ALPK2: variants seen among roughly 807,000 people sequenced by gnomAD.
The protein encoded by ALPK2 is alpha-protein kinase 2.
ALPK2 carries 127 observed loss-of-function variants against 163.1 expected under a neutral mutation model. The ratio of observed to expected loss-of-function variants is 0.78; its 90% CI spans 0.67 to 0.90. The LOEUF (loss-of-function observed/expected upper bound fraction) is 0.90, where lower values mean the gene tolerates loss of function less well. Among genes scored for constraint, ALPK2 ranks in the 40% least tolerant of loss-of-function variants. The probability of loss-of-function intolerance (pLI) is 0.00; values close to 1 mark genes in which losing one functional copy is unlikely to be tolerated. For synonymous variants in ALPK2, 953 were observed against 959.1 expected, an observed-to-expected ratio of 0.99 and a Z score of 0.12; for missense variants, 2,360 against 2,589.6, an observed-to-expected ratio of 0.91 and a Z score of 1.92.
At chr18:58,614,477 G>A (rs1175113166) in intron 1 of ALPK2, among the ~76,000 whole-genome samples, 4 of 152,184 alleles carry the variant, frequency 2.6e-5, no homozygotes, top group African/African-American at 9.7e-5. Flanking sequence ...TCCCCTCTCA[G>A]CATAATGGCA....
intron 12 of ALPK2, among the ~76,000 whole-genome samples, chr18:58,489,636 A>G (rs10871757): frequency 0.16 from 23,901 of 151,910 alleles, 2,018 homozygotes; most frequent in East Asian, 0.38. Context: ...GCAGTGAGCC[A>G]TGATCAGGAC....
At chr18:58,534,340 G>GA (rs1057294803) in intron 5 of ALPK2, among the ~76,000 whole-genome samples, 1 of 152,066 alleles carries the variant, frequency 6.6e-6, no homozygotes, top group African/African-American at 2.4e-5. Context: ...TATTTTTAAT[G>GA]AAAAATCAGT....
chr18:58,622,598 T>C (rs2052207706), intron 1 of ALPK2, among the ~76,000 whole-genome samples: 1 of 152,198 alleles, frequency 6.6e-6, no homozygotes, highest in Non-Finnish European at 1.5e-5. Context: ...GCTATAAACA[T>C]ACAAAGTGTG....
intron 3 of ALPK2, among the ~76,000 whole-genome samples, chr18:58,589,922 G>C (rs577706269): frequency 6.6e-6 from 1 of 152,286 alleles, no homozygotes; most frequent in African/African-American, 2.4e-5. Context: ...CTAGAGGTAA[G>C]ATTTGGAATT....
At chr18:58,583,578 CTGAAGTGGGAGAATCAGT>C (rs2051970620) in intron 3 of ALPK2, among the ~76,000 whole-genome samples, 1 of 151,946 alleles carries the variant, frequency 6.6e-6, no homozygotes, top group Admixed American at 6.6e-5. Context: ...CTTCAGGAGG[CTGAAGTGGGAGAATCAGT>C]TGAGCCTATG....
intron 9 of ALPK2, 139 bp downstream of exon 9, chr18:58,516,769 T>C (rs761856830): frequency 1.9e-5 from 20 of 1,052,422 alleles, no homozygotes; most frequent in Non-Finnish European, 2.8e-5. Flanking sequence ...TCCCCAGCAT[T>C]GAGATTGAAT....
At chr18:58,566,755 C>T (rs775753151) in intron 4 of ALPK2, 15 of 152,310 alleles carry the variant, frequency 9.8e-5, no homozygotes, top group Admixed American at 2.6e-4. Flanking sequence ...GAACAAGCTG[C>T]GTTTATAGCA....
rs1555677779 is a variant in ALPK2, at chr18:58,611,834, T to A, written c.-20-17A>T. 3 of 1,202,694 alleles carry A rather than the reference T, an allele frequency of 2.5e-6. No individual in the cohort carries two copies. Among genetic ancestry groups the A allele is most frequent in the South Asian group, 2.8e-5 (2 of 72,448 alleles). The allele number at this position is 1,202,694 out of a possible 1,614,324, so 74.5% of individuals were successfully genotyped here. A position where few individuals can be genotyped will look rare whatever the true frequency, so the allele number is the denominator to read the frequency against. On this transcript the variant is annotated splice_polypyrimidine_tract_variant and intron_variant, in intron 1 of 12. Coordinates refer to ENST00000361673, the MANE Select transcript of ALPK2 (RefSeq NM_052947.4). Reference sequence around the variant, plus strand: ...GCACCAAATCTGAAAAAAAAAAAAATCCCCGACATCACCATTTGTTCTGGG... The same window carrying A: ...GCACCAAATCTGAAAAAAAAAAAAAACCCCGACATCACCATTTGTTCTGGG...
Position 58,536,702 on chromosome 18 carries a change from G to A in ALPK2, c.3485C>T (p.Ala1162Val). 6.2e-7 allele frequency: 1 copy of A among 1,614,196 alleles called. No homozygotes were observed. Among genetic ancestry groups the A allele is most frequent in the Non-Finnish European group, 8.5e-7 (1 of 1,180,026 alleles). ...DFQQSLPTTS[A>V]AQEERNLVPT... Reference sequence around the variant, plus strand: ...CACCAAGTTTCTTTCCTCTTGTGCAGCAGATGTCGTAGGCAAACTTTGTTG... The same window carrying A: ...CACCAAGTTTCTTTCCTCTTGTGCAACAGATGTCGTAGGCAAACTTTGTTG... The change falls in exon 5 of 13, where the codon GCT (alanine) becomes GTT (valine). Residue 1162 changes from alanine to valine, a missense_variant. Transcript: ENST00000361673.
intron 4 of ALPK2, among the ~76,000 whole-genome samples, chr18:58,573,620 T>TTTTTTTTTTTTTTTTTTTTTTC: frequency 7.2e-6 from 1 of 139,506 alleles, no homozygotes; most frequent in East Asian, 2.1e-4. Context: ...CTTCTTTTTT[T>TTTTTTTTTTTTTTTTTTTTTTC]TTTTTTTTTT....
chr18:58,586,609 C>A (rs1304327594), intron 3 of ALPK2, among the ~76,000 whole-genome samples: 1 of 152,160 alleles, frequency 6.6e-6, no homozygotes, highest in East Asian at 1.9e-4. Flanking sequence ...CCAGTTGGGG[C>A]TCCTTCAAAG....
At chr18:58,504,294 C>G (rs1417192476) in intron 10 of ALPK2, 146 bp from the exon 11 acceptor site, 1 of 648,506 alleles carries the variant, frequency 1.5e-6, no homozygotes, top group African/African-American at 1.8e-5. Context: ...CATCCAATGA[C>G]TTTTTAGTGG....
chr18:58,593,029 G>A (rs1364289264), intron 3 of ALPK2, among the ~76,000 whole-genome samples: 1 of 152,216 alleles, frequency 6.6e-6, no homozygotes, highest in Non-Finnish European at 1.5e-5. Flanking sequence ...TTAGGGCGGG[G>A]AGACTACTGC....
intron 10 of ALPK2, among the ~76,000 whole-genome samples, chr18:58,506,176 G>GGCCATAAAGAT (rs2051460975): frequency 6.6e-6 from 1 of 151,986 alleles, no homozygotes. Flanking sequence ...GGGCACACAT[G>GGCCATAAAGAT]GCCATAAAGA....
intron 3 of ALPK2, among the ~76,000 whole-genome samples, chr18:58,587,826 G>GA (rs763031186): frequency 6.6e-6 from 1 of 152,076 alleles, no homozygotes; most frequent in South Asian, 2.1e-4. Flanking sequence ...AGGAATATTG[G>GA]AAAAAACTGG....
At chr18:58,495,298 T>C (rs2144104243) in intron 12 of ALPK2, among the ~76,000 whole-genome samples, 1 of 152,276 alleles carries the variant, frequency 6.6e-6, no homozygotes, top group East Asian at 1.9e-4. Flanking sequence ...GACAAGAAGA[T>C]CTAATATCCC....
At chr18:58,492,073 C>G (rs1439924465) in intron 12 of ALPK2, among the ~76,000 whole-genome samples, 2 of 152,214 alleles carry the variant, frequency 1.3e-5, no homozygotes, top group Admixed American at 1.3e-4. Flanking sequence ...TGGAACATCA[C>G]TCCGCCGTTA....
intron 12 of ALPK2, among the ~76,000 whole-genome samples, chr18:58,485,339 A>C (rs1286854737): frequency 1.3e-5 from 2 of 152,132 alleles, no homozygotes; most frequent in African/African-American, 4.8e-5. Context: ...GAATGGAGAG[A>C]GTTTTTTCCC....
intron 11 of ALPK2, among the ~76,000 whole-genome samples, chr18:58,499,609 G>A (rs1212703840): frequency 6.6e-6 from 1 of 152,208 alleles, no homozygotes; most frequent in Non-Finnish European, 1.5e-5. Context: ...GTGGACCTCT[G>A]CCAGGACCTT....
Sources: gnomAD v4.1 joint callset for allele counts (sites outside exome capture counted in the v4.1 genomes callset) on GRCh38, gnomAD v4.1.1 for gene constraint, MANE v1.5 for transcripts, NCBI Gene and HGNC (gene_info 2026-07-23, HGNC 2026-07-21) for gene names.